Variants in ZNF496 observed in about 807,000 individuals in gnomAD.
The protein encoded by ZNF496 is zinc finger protein 496.
ZNF496 carries 11 observed loss-of-function variants against 58.9 expected under a neutral mutation model. That is an observed-to-expected ratio of 0.19 (90% confidence interval 0.12 to 0.31). The LOEUF (loss-of-function observed/expected upper bound fraction) is 0.31, where lower values mean the gene tolerates loss of function less well. Among genes scored for constraint, ZNF496 ranks in the 10% least tolerant of loss-of-function variants. ZNF496 has a pLI of 1.00. For synonymous variants in ZNF496, 338 were observed against 318.2 expected (o/e 1.06, Z -0.66); for missense variants, 660 against 783.0 (o/e 0.84, Z 1.88).
chr1:247,311,377 G>A (rs191563784), intron 6 of ZNF496: 1 of 151,244 alleles, frequency 6.6e-6, no homozygotes, highest in East Asian at 1.9e-4. Flanking sequence ...TCCACCCTGG[G>A]CAACAGGGTG....
At chr1:247,325,848 T>G (rs1226032940) in intron 5 of ZNF496, among the ~76,000 whole-genome samples, 1 of 152,028 alleles carries the variant, frequency 6.6e-6, no homozygotes, top group Non-Finnish European at 1.5e-5. Flanking sequence ...CTGGGATATG[T>G]AGCTATCCCA....
chr1:247,304,118 C>A, intron 9 of ZNF496: 2 of 397,970 alleles, frequency 5.0e-6, no homozygotes, highest in Admixed American at 3.3e-5. Context: ...ATTCTACAAA[C>A]TGGCCGATAG....
At chr1:247,330,846 C>A (rs1484408525) in intron 2 of ZNF496, among the ~76,000 whole-genome samples, 1 of 152,238 alleles carries the variant, frequency 6.6e-6, no homozygotes, top group African/African-American at 2.4e-5. Flanking sequence ...ACAAGTGATG[C>A]CAGAAAAGCT....
intron 6 of ZNF496, chr1:247,322,732 G>A: frequency 2.3e-6 from 3 of 1,290,306 alleles, no homozygotes; most frequent in Non-Finnish European, 2.0e-6. Flanking sequence ...AATTATCTGT[G>A]CTTTCTTCCC....
intron 9 of ZNF496, among the ~76,000 whole-genome samples, chr1:247,302,646 C>G (rs1659284740): frequency 6.6e-6 from 1 of 152,116 alleles, no homozygotes; most frequent in Non-Finnish European, 1.5e-5. Context: ...CGCCGAGAGG[C>G]TATGTTTGAC....
intron 9 of ZNF496, among the ~76,000 whole-genome samples, chr1:247,302,234 GA>G (rs1659265293): frequency 6.6e-6 from 1 of 152,144 alleles, no homozygotes; most frequent in Non-Finnish European, 1.5e-5. Flanking sequence ...CTGTGGGGAG[GA>G]GAGCCCTGGC....
intron 9 of ZNF496, chr1:247,307,442 C>T (rs944322805): frequency 1.0e-6 from 1 of 985,278 alleles, no homozygotes; most frequent in Admixed American, 6.1e-5. Context: ...GAGAGACATG[C>T]TATGGGCAGA....
Position 247,309,215 on chromosome 1 carries a change from C to A in ZNF496, c.892+484G>T. Reference sequence around the variant, plus strand: ...GCTGGCGACACAGCCTGAAGGAGGGCTGGAAACTGCTGCTGCTGAGCCCCA... The same window carrying A: ...GCTGGCGACACAGCCTGAAGGAGGGATGGAAACTGCTGCTGCTGAGCCCCA... On this transcript the variant is annotated intron_variant, in intron 8 of 9. Transcript: ENST00000682384. This position sits in a 1 kb window ranked among gnomAD's most constrained non-coding sequence, Gnocchi z 4.3. 1 of 200,178 alleles carries A rather than the reference C, an allele frequency of 5.0e-6. No individual in the cohort carries two copies. Among genetic ancestry groups the A allele is most frequent in the Non-Finnish European group, 9.3e-6 (1 of 107,186 alleles). 12.4% of individuals were successfully genotyped at this position (200,178 alleles called of 1,614,324 possible).
At chr1:247,330,812 G>A (rs950995111) in intron 2 of ZNF496, among the ~76,000 whole-genome samples, 2 of 152,236 alleles carry the variant, frequency 1.3e-5, no homozygotes, top group African/African-American at 4.8e-5. Context: ...GGGGACTCGG[G>A]CCTCACTCCC....
In ZNF496 at chr1:247,308,716, AG is replaced by A; in HGVS notation, c.893-129del. On this transcript the variant is annotated intron_variant, in intron 8 of 9. Transcript: ENST00000682384. The surrounding 1 kb of genome is among the most constrained non-coding windows in gnomAD (Gnocchi z 4.5). ...CCTGGGCTCCGTCCTGGGGACTGGC[AG>A]GGGGTGGCCACTCAATAAGTGTCTG... 2.4e-6 allele frequency: 2 copies of A among 816,754 alleles called. No individual in the cohort carries two copies. The highest frequency in any genetic ancestry group is 1.9e-6 in the Non-Finnish European group (1 of 515,364). 50.6% of individuals were successfully genotyped at this position (816,754 alleles called of 1,614,324 possible).
chr1:247,327,498 C>T (rs1193486239), intron 5 of ZNF496, among the ~76,000 whole-genome samples: 1 of 152,240 alleles, frequency 6.6e-6, no homozygotes, highest in Non-Finnish European at 1.5e-5. Context: ...GCCTCCTGAA[C>T]TGTGAGAGAA....
chr1:247,321,681 G>A (rs1278350723), intron 6 of ZNF496, among the ~76,000 whole-genome samples: 2 of 152,186 alleles, frequency 1.3e-5, no homozygotes, highest in African/African-American at 4.8e-5. Context: ...TGCTCGCTAT[G>A]GCATTTACTA....
At position 247,328,885 on chromosome 1, in the gene ZNF496, C is replaced by T. The variant is rs777523987; in HGVS notation, c.391-19G>A. 1 of 1,567,804 alleles carries T rather than the reference C, an allele frequency of 6.4e-7. No individual in the cohort carries two copies. The highest frequency in any genetic ancestry group is 1.8e-5 in the Admixed American group (1 of 54,310). ...GCTTGAGCTGCAATCCCAGAGACAG[C>T]TTTTCAGGGCTAGGGGAAGAGGTCC... is the stretch of plus-strand genomic sequence containing the variant. On this transcript the variant is annotated intron_variant, in intron 4 of 9. Transcript: ENST00000682384.
intron 6 of ZNF496, among the ~76,000 whole-genome samples, chr1:247,321,132 A>T (rs959458169): frequency 1.3e-5 from 2 of 151,850 alleles, no homozygotes; most frequent in African/African-American, 2.4e-5. Flanking sequence ...GCCGAGATCG[A>T]GCCACTACAC....
Position 247,300,424 on chromosome 1 carries a change from A to G in ZNF496, c.*95T>C. The stretch of plus-strand genomic sequence containing the variant: ...AGGACAGGAGGGAGGTGTGCTCTCT[A>G]TCCTGGGGAAGGTATGTCCTGGGTG... On this transcript the variant is annotated 3_prime_UTR_variant, in exon 10 of 10. Coordinates refer to ENST00000682384, the MANE Select transcript of ZNF496 (RefSeq NM_032752.3). This position sits in a 1 kb window ranked among gnomAD's most constrained non-coding sequence, Gnocchi z 5.7. 7.2e-7 allele frequency: 1 copy of G among 1,381,262 alleles called. No individual in the cohort carries two copies. Among genetic ancestry groups the G allele is most frequent in the Middle Eastern group, 2.6e-4 (1 of 3,826 alleles). 85.6% of individuals were successfully genotyped at this position (1,381,262 alleles called of 1,614,324 possible). A position where few individuals can be genotyped will look rare whatever the true frequency, so the allele number is the denominator to read the frequency against.
At chr1:247,316,135 GGTGTGTGTGTGTGTGT>G (rs148003455) in intron 6 of ZNF496, among the ~76,000 whole-genome samples, 36 of 139,922 alleles carry the variant, frequency 2.6e-4, no homozygotes, top group African/African-American at 8.0e-4. Flanking sequence ...CTGGGAGAGG[GGTGTGTGTGTGTGTGT>G]GTGTGTGTGT....
chr1:247,306,125 G>C (rs1162368937), intron 9 of ZNF496, among the ~76,000 whole-genome samples: 1 of 152,022 alleles, frequency 6.6e-6, no homozygotes, highest in African/African-American at 2.4e-5. Flanking sequence ...TGAATCCACA[G>C]AAAAAGCAAA....
Position 247,300,653 on chromosome 1 carries a change from A to C in ZNF496, c.1630T>G (p.Phe544Val). 6.2e-7 allele frequency: 1 copy of C among 1,614,118 alleles called. No individual in the cohort carries two copies. The highest frequency in any genetic ancestry group is 8.5e-7 in the Non-Finnish European group (1 of 1,180,030). The part of the protein sequence containing the change: ...HDHLARHRSH[F>V]HLKDKARPFQ... ...GGCCGGGCTTTGTCCTTCAGGTGAAAGTGGCTGCGGTGCCGAGCCAGGTGG... is the reference window on the plus strand; with the variant it reads ...GGCCGGGCTTTGTCCTTCAGGTGAACGTGGCTGCGGTGCCGAGCCAGGTGG... Residue 544 changes from phenylalanine to valine, a missense_variant, in exon 10 of 10, where the codon TTT (phenylalanine) becomes GTT (valine). By Grantham distance (50) the Phe-to-Val change is conservative (BLOSUM62 -1). Coordinates refer to ENST00000682384, the MANE Select transcript of ZNF496 (RefSeq NM_032752.3). The surrounding 1 kb of genome is among the most constrained non-coding windows in gnomAD (Gnocchi z 5.7).
chr1:247,326,083 C>CATATATACACACACAT (rs1436572217), intron 5 of ZNF496, among the ~76,000 whole-genome samples: 84 of 148,444 alleles, frequency 5.7e-4, no homozygotes, highest in Middle Eastern at 3.5e-3. Flanking sequence ...CACACACACA[C>CATATATACACACACAT]ATATATACAC....
Sources: gnomAD v4.1 joint callset for allele counts (sites outside exome capture counted in the v4.1 genomes callset) on GRCh38, gnomAD v4.1.1 for gene constraint, Gnocchi (gnomAD v3.1) non-coding constraint, MANE v1.5 for transcripts, NCBI Gene and HGNC (gene_info 2026-07-23, HGNC 2026-07-21) for gene names.